Variants in TRPV4 observed in about 807,000 individuals in gnomAD.
The protein encoded by TRPV4 is OSM9-like transient receptor potential channel 4.
Under a neutral mutation model 84.1 loss-of-function variants are expected in TRPV4, and 58 were observed. That is an observed-to-expected ratio of 0.69 (90% CI 0.56 to 0.86). The LOEUF (loss-of-function observed/expected upper bound fraction) is 0.86, where lower values mean the gene tolerates loss of function less well. Among genes scored for constraint, TRPV4 ranks in the 40% least tolerant of loss-of-function variants. The probability of loss-of-function intolerance (pLI) is 0.00; values close to 1 mark genes in which losing one functional copy is unlikely to be tolerated. For synonymous variants in TRPV4, 489 were observed against 500.9 expected (o/e 0.98, Z 0.32); for missense variants, 879 against 1,181.1 (o/e 0.74, Z 3.75).
rs535704183 is a variant in TRPV4, at chr12:109,833,029, G to T, written c.-32+321C>A. Among the ~76,000 whole-genome samples the T allele has an allele frequency of 5.2e-4, 79 of 152,252 alleles. 1 individual carries two copies. Among genetic ancestry groups the T allele is most frequent in the African/African-American group, 1.9e-3 (79 of 41,556 alleles). ...TCTTCCAAGTCTCCTAAGGTGGGCTGCAAGGCTCCGGGCCTTTGGTTCCCT... is the reference window on the plus strand; with the variant it reads ...TCTTCCAAGTCTCCTAAGGTGGGCTTCAAGGCTCCGGGCCTTTGGTTCCCT... On this transcript the variant is annotated intron_variant, in intron 1 of 15. Transcript: ENST00000261740.
chr12:109,814,839 T>C lies in TRPV4; in HGVS notation c.-31-12A>G, dbSNP rs1302945497. On this transcript the variant is annotated splice_polypyrimidine_tract_variant and intron_variant, in intron 1 of 15. Transcript: ENST00000261740. The surrounding 1 kb of genome is among the most constrained non-coding windows in gnomAD (Gnocchi z 5.4). ...CTGCACTGCTCAGCCTGCAAGGGAATGAAAGGGGAGTCAGGCAGAACCCGG... is the reference window on the plus strand; with the variant it reads ...CTGCACTGCTCAGCCTGCAAGGGAACGAAAGGGGAGTCAGGCAGAACCCGG... The C allele has an allele frequency of 3.9e-6, 6 of 1,533,874 alleles. No individual in the cohort carries two copies. The East Asian group carries it at 1.5e-4, about 38-fold the overall frequency.
chr12:109,794,278 T>C (rs1456626466), intron 8 of TRPV4, 51 bp downstream of exon 8: 1 of 1,603,074 alleles, frequency 6.2e-7, no homozygotes, highest in East Asian at 2.2e-5. Flanking sequence ...CAGTCCTGCA[T>C]GGCTCAGCCC....
chr12:109,792,262 A>AT, intron 12 of TRPV4, 101 bp downstream of exon 12: 2 of 910,864 alleles, frequency 2.2e-6, no homozygotes, highest in Non-Finnish European at 3.3e-6. Flanking sequence ...AAAAAAAAAA[A>AT]AAAGAACTCA....
chr12:109,784,526 T>C, intron 14 of TRPV4, 89 bp from the exon 15 acceptor site: 1 of 1,593,594 alleles, frequency 6.3e-7, no homozygotes, highest in South Asian at 1.1e-5. Context: ...ATTTTTTTAT[T>C]ATGGTAACAT....
intron 1 of TRPV4, among the ~76,000 whole-genome samples, chr12:109,828,821 C>T (rs1043900951): frequency 1.3e-5 from 2 of 152,152 alleles, no homozygotes; most frequent in African/African-American, 4.8e-5. Flanking sequence ...CTCTCTGAGT[C>T]TCGATTTCCT....
chr12:109,792,970 TC>T (rs1890140947), intron 10 of TRPV4, among the ~76,000 whole-genome samples, 153 bp from the exon 11 acceptor site: 1 of 152,202 alleles, frequency 6.6e-6, no homozygotes, highest in Non-Finnish European at 1.5e-5. Context: ...TTAGCAGGGT[TC>T]CCCAGCATTC....
rs1472299787 is a variant in TRPV4 at position 109,796,149 on chromosome 12, A to G, written c.1332+376T>C. The stretch of plus-strand genomic sequence containing the variant: ...CTCTGTGCCAAGCCATTCTAAAATT[A>G]ACCTCTTTGGTCCTCCCAAGAACCC... On this transcript the variant is annotated intron_variant, in intron 7 of 15. Transcript: ENST00000261740. The surrounding 1 kb of genome is among the most constrained non-coding windows in gnomAD (Gnocchi z 4.2). Among the ~76,000 whole-genome samples, 1 of 152,160 alleles carries G rather than the reference A, an allele frequency of 6.6e-6. No individual in the cohort carries two copies. Among genetic ancestry groups the G allele is most frequent in the Non-Finnish European group, 1.5e-5 (1 of 68,020 alleles).
Position 109,825,269 on chromosome 12 carries a change from A to C in TRPV4, c.-32+8081T>G, listed in dbSNP as rs921252689. On this transcript the variant is annotated intron_variant, in intron 1 of 15. Transcript: ENST00000261740. ...AGAGCTATTGTGAGGATTAAATGTG[A>C]TAATTCAAGCCTTCAGTGCAGTGCC... 3.3e-5 allele frequency among the ~76,000 whole-genome samples: 5 copies of C among 152,204 alleles called. No individual in the cohort carries two copies. In the East Asian group the frequency reaches 9.6e-4, roughly 29 times the overall value.
intron 3 of TRPV4, among the ~76,000 whole-genome samples, chr12:109,807,273 T>G (rs1468573460): frequency 8.5e-6 from 1 of 117,844 alleles, no homozygotes; most frequent in African/African-American, 4.2e-5. Context: ...TGAAACTCTG[T>G]CTCAAAAAAA....
intron 4 of TRPV4, among the ~76,000 whole-genome samples, chr12:109,801,012 A>T (rs973627163): frequency 2.0e-5 from 3 of 152,192 alleles, no homozygotes; most frequent in African/African-American, 7.2e-5. Flanking sequence ...GATTCATAAG[A>T]TGCTTTAAAA....
intron 3 of TRPV4, 108 bp downstream of exon 3, chr12:109,808,188 C>A (rs1891259851): frequency 7.7e-7 from 1 of 1,295,536 alleles, no homozygotes; most frequent in Non-Finnish European, 1.1e-6. Context: ...CAGGCCAATG[C>A]AGTCCACCGA....
At position 109,788,475 on chromosome 12, in the gene TRPV4, G is replaced by A. The variant is rs752352703; in HGVS notation, c.2133C>T (p.Leu711=). 1.2e-6 allele frequency: 2 copies of A among 1,614,212 alleles called. No individual in the cohort carries two copies. Among genetic ancestry groups the A allele is most frequent in the East Asian group, 2.2e-5 (1 of 44,874 alleles). Residue 711 remains leucine, a synonymous_variant, in exon 13 of 16, where the codon CTC becomes CTT. Transcript: ENST00000261740. Reference sequence around the variant, plus strand: ...CGCCCATGAGGGCAATGAGCATGTTGAGGAGCAGCACAAAGGTGAGGATGA... The same window carrying A: ...CGCCCATGAGGGCAATGAGCATGTTAAGGAGCAGCACAAAGGTGAGGATGA... ...TYIILTFVLL[L]NMLIALMGET...
intron 1 of TRPV4, among the ~76,000 whole-genome samples, chr12:109,823,608 A>C (rs1233871077): frequency 6.6e-6 from 1 of 152,212 alleles, no homozygotes; most frequent in Non-Finnish European, 1.5e-5. Flanking sequence ...GAACAGGCAA[A>C]TCCACAGAGA....
At chr12:109,795,167 A>G (rs1408141800) in intron 7 of TRPV4, among the ~76,000 whole-genome samples, 3 of 152,244 alleles carry the variant, frequency 2.0e-5, no homozygotes, top group African/African-American at 4.8e-5. Flanking sequence ...AGAGAGAAAG[A>G]TTGAGAAATT....
chr12:109,794,612 C>T, intron 7 of TRPV4, 125 bp from the exon 8 acceptor site: 2 of 1,004,094 alleles, frequency 2.0e-6, no homozygotes, highest in African/African-American at 1.6e-5. Flanking sequence ...ATCCATTCCT[C>T]AGCTGCATTC....
At chr12:109,800,849 A>G in intron 4 of TRPV4, 91 bp from the exon 5 acceptor site, 3 of 206,166 alleles carry the variant, frequency 1.5e-5, no homozygotes, top group Non-Finnish European at 1.7e-5. Flanking sequence ...GGACGTAGAA[A>G]TTGGGGGGTG....
At position 109,792,660 on chromosome 12, in the gene TRPV4, T is replaced by C; in HGVS notation, c.1816A>G (p.Ile606Val). Residue 606 changes from isoleucine to valine, a missense_variant, in exon 11 of 16, where the codon ATC becomes GTC. Physicochemically the swap from Ile to Val is conservative, Grantham distance 29. Around this residue, in one of 4 missense-constraint regions of TRPV4, gnomAD observed 9 missense variants for 39.7 expected, o/e 0.23. Coordinates refer to ENST00000261740, the MANE Select transcript of TRPV4 (RefSeq NM_021625.5). The part of the protein sequence containing the change: ...LKLTGTYSIM[I>V]QKILFKDLFR... ...GTCCTCCCAGCCCGTACCTTCTGGA[T>C]CATGATGCTATAGGTCCCCGTCAGC... 1 of 1,614,056 alleles carries C rather than the reference T, an allele frequency of 6.2e-7. No homozygotes were observed. The highest frequency in any genetic ancestry group is 8.5e-7 in the Non-Finnish European group (1 of 1,180,028).
At chr12:109,801,471 T>C (rs12311917) in intron 4 of TRPV4, among the ~76,000 whole-genome samples, 2,382 of 152,276 alleles carry the variant, frequency 0.016, 56 homozygotes, top group African/African-American at 0.054. Context: ...GCACTTCTTC[T>C]TCCTACCACC....
intron 3 of TRPV4, 132 bp downstream of exon 3, chr12:109,808,164 T>C: frequency 1.0e-6 from 1 of 986,956 alleles, no homozygotes; most frequent in South Asian, 1.4e-5. Context: ...AGACTCCCTG[T>C]CCAGTGCACT....
Sources: gnomAD v4.1 joint callset for allele counts (sites outside exome capture counted in the v4.1 genomes callset) on GRCh38, gnomAD v4.1.1 for gene constraint, gnomAD v4.1.1 regional missense constraint, Gnocchi (gnomAD v3.1) non-coding constraint, MANE v1.5 for transcripts, NCBI Gene and HGNC (gene_info 2026-07-23, HGNC 2026-07-21) for gene names.